Variants in BAHD1 observed in about 807,000 individuals in gnomAD.
BAHD1 encodes the protein bromo adjacent homology domain-containing 1 protein.
In BAHD1, 20 loss-of-function variants were observed where a neutral mutation model predicts 63.1. That is an observed-to-expected ratio of 0.32 (90% confidence interval 0.22 to 0.46). The LOEUF (loss-of-function observed/expected upper bound fraction) is 0.46. BAHD1 is among the 20% of genes least tolerant of loss of function. The probability of loss-of-function intolerance (pLI) is 1.00; values close to 1 mark genes in which losing one functional copy is unlikely to be tolerated. For missense variants in BAHD1, 939 were observed against 1,071.8 expected (o/e 0.88, Z 1.73); for synonymous variants, 408 against 426.8 (o/e 0.96, Z 0.54).
intron 2 of BAHD1, 144 bp downstream of exon 2, chr15:40,460,040 C>A: frequency 9.3e-7 from 1 of 1,080,372 alleles, no homozygotes; most frequent in Non-Finnish European, 1.3e-6. Flanking sequence ...TGAGAACTCC[C>A]GTAGTCTGTG....
At position 40,466,213 on chromosome 15, in the gene BAHD1, A is replaced by C; in HGVS notation, c.*83A>C. On this transcript the variant is annotated 3_prime_UTR_variant, in exon 7 of 7. Transcript: ENST00000416165. ...ACTGCTTGAAGCACAGCACTTGGTT[A>C]GGGGGCCACAGAGGCCTAAGTTTGC... is the stretch of plus-strand genomic sequence containing the variant. The C allele has an allele frequency of 9.0e-7, 1 of 1,108,696 alleles. No homozygotes were observed. 68.7% of individuals were successfully genotyped at this position (1,108,696 alleles called of 1,614,324 possible).
chr15:40,446,840 T>A (rs1893553812), intron 1 of BAHD1, among the ~76,000 whole-genome samples: 1 of 152,176 alleles, frequency 6.6e-6, no homozygotes, highest in South Asian at 2.1e-4. Context: ...ACCCCAGGGA[T>A]CTCACCTGGA....
At chr15:40,452,915 C>T (rs927687985) in intron 1 of BAHD1, among the ~76,000 whole-genome samples, 2 of 152,208 alleles carry the variant, frequency 1.3e-5, no homozygotes, top group African/African-American at 4.8e-5. Context: ...GGAGTGTCAT[C>T]ATCATTATCT....
chr15:40,461,858 T>C, intron 2 of BAHD1, 54 bp from the exon 3 acceptor site: 1 of 1,518,518 alleles, frequency 6.6e-7, no homozygotes, highest in East Asian at 2.3e-5. Flanking sequence ...TGAAAGCAGA[T>C]GGGTGATGGG....
intron 1 of BAHD1, among the ~76,000 whole-genome samples, chr15:40,449,423 A>G (rs1256421237): frequency 2.6e-5 from 4 of 152,150 alleles, no homozygotes; most frequent in Non-Finnish European, 5.9e-5. Context: ...CTGTAGTACT[A>G]CATTCACTTG....
Position 40,441,939 on chromosome 15 carries a change from C to T in BAHD1, c.-15+671C>T, listed in dbSNP as rs369397401. The stretch of plus-strand genomic sequence containing the variant: ...ATCGGGCTGAGAGGAAGGGAGGCGC[C>T]GAAGACGGAAGGGGACCGGTTCGAA... On this transcript the variant is annotated intron_variant, in intron 1 of 6. Coordinates refer to ENST00000416165, the MANE Select transcript of BAHD1 (RefSeq NM_014952.5). 2.6e-4 allele frequency among the ~76,000 whole-genome samples: 40 copies of T among 151,568 alleles called. 2 individuals are homozygous for T. The East Asian group carries it at 6.1e-3, about 23-fold the overall frequency.
chr15:40,466,326 A>G lies in BAHD1; in HGVS notation c.*196A>G, dbSNP rs1894206563. On this transcript the variant is annotated 3_prime_UTR_variant, in exon 7 of 7. Transcript: ENST00000416165. ...GGAGCTGGGGAGGCCAGGGTATAAGAAAAGCATCAGAACTCTCAGCTTGGC... is the reference window on the plus strand; with the variant it reads ...GGAGCTGGGGAGGCCAGGGTATAAGGAAAGCATCAGAACTCTCAGCTTGGC... The G allele has an allele frequency of 1.9e-6, 1 of 525,324 alleles. No individual in the cohort carries two copies. The allele number at this position is 525,324 out of a possible 1,614,324, so 32.5% of individuals were successfully genotyped here.
intron 1 of BAHD1, among the ~76,000 whole-genome samples, chr15:40,442,073 G>A (rs1180992381): frequency 1.3e-5 from 2 of 152,146 alleles, no homozygotes; most frequent in South Asian, 2.1e-4. Context: ...AAGTGACAGC[G>A]GGACCCTGTG....
chr15:40,461,773 A>T, intron 2 of BAHD1, 139 bp from the exon 3 acceptor site: 2 of 1,032,672 alleles, frequency 1.9e-6, no homozygotes, highest in East Asian at 2.6e-5. Flanking sequence ...AGTCCACCAT[A>T]AAAAGGCCTC....
At chr15:40,460,672 C>T (rs573603846) in intron 2 of BAHD1, among the ~76,000 whole-genome samples, 1 of 152,198 alleles carries the variant, frequency 6.6e-6, no homozygotes, top group Non-Finnish European at 1.5e-5. Flanking sequence ...TCACCTGCCT[C>T]TTCAGGCTCC....
chr15:40,448,585 A>G (rs1254194553), intron 1 of BAHD1, among the ~76,000 whole-genome samples: 25 of 152,156 alleles, frequency 1.6e-4, no homozygotes, highest in Non-Finnish European at 3.5e-4. Flanking sequence ...CACCGAGTCC[A>G]GAGTACAATG....
intron 1 of BAHD1, among the ~76,000 whole-genome samples, chr15:40,448,080 A>G (rs1043916450): frequency 3.3e-5 from 5 of 152,046 alleles, no homozygotes; most frequent in Non-Finnish European, 7.4e-5. Flanking sequence ...TGTCTCTACT[A>G]AAAATACAAA....
intron 2 of BAHD1, among the ~76,000 whole-genome samples, chr15:40,460,624 C>T (rs1004406471): frequency 6.6e-6 from 1 of 152,206 alleles, no homozygotes; most frequent in African/African-American, 2.4e-5. Context: ...GAGACACTCC[C>T]AGAATCATTT....
chr15:40,448,905 C>T (rs1018184095), intron 1 of BAHD1, among the ~76,000 whole-genome samples: 35 of 148,062 alleles, frequency 2.4e-4, no homozygotes, highest in Non-Finnish European at 3.7e-4. Context: ...GGTGTGATCT[C>T]GGCTCATCGC....
chr15:40,461,096 C>A (rs1283674534), intron 2 of BAHD1, among the ~76,000 whole-genome samples: 1 of 152,300 alleles, frequency 6.6e-6, no homozygotes, highest in Admixed American at 6.5e-5. Context: ...CCCCCACTTT[C>A]CTAGCCATGT....
intron 1 of BAHD1, among the ~76,000 whole-genome samples, chr15:40,457,447 T>G (rs1320010303): frequency 1.3e-5 from 2 of 152,106 alleles, no homozygotes; most frequent in Admixed American, 6.5e-5. Context: ...CATGGGCCCC[T>G]CAAAGCTGAG....
intron 2 of BAHD1, 29 bp from the exon 3 acceptor site, chr15:40,461,883 C>T (rs201767934): frequency 6.4e-7 from 1 of 1,557,826 alleles, no homozygotes; most frequent in East Asian, 2.3e-5. Flanking sequence ...ACTGCTTGTC[C>T]TGTCCTGACC....
At chr15:40,441,971 G>A (rs1193398740) in intron 1 of BAHD1, among the ~76,000 whole-genome samples, 1 of 152,020 alleles carries the variant, frequency 6.6e-6, no homozygotes, top group Admixed American at 6.5e-5. Flanking sequence ...CGAAAAGCGA[G>A]TGTGGGCCGC....
At chr15:40,442,962 T>C (rs777749740) in intron 1 of BAHD1, among the ~76,000 whole-genome samples, 2 of 152,150 alleles carry the variant, frequency 1.3e-5, no homozygotes, top group Non-Finnish European at 2.9e-5. Flanking sequence ...AGTGCCTCCA[T>C]CTCCCCCGGT....
Sources: allele counts gnomAD v4.1 joint callset (sites outside exome capture counted in the v4.1 genomes callset), GRCh38; gene constraint gnomAD v4.1.1; transcripts MANE v1.5; gene names NCBI Gene and HGNC (gene_info 2026-07-23, HGNC 2026-07-21).